SPAG16: variants seen among roughly 807,000 people sequenced by gnomAD.
SPAG16 encodes sperm associated antigen 16, also known as sperm-associated antigen 16 protein.
A neutral mutation model predicts 80.4 loss-of-function variants in SPAG16; 86 were observed. That is an observed-to-expected ratio of 1.07 (90% confidence interval 0.90 to 1.28). SPAG16 has a LOEUF of 1.28. Ranked by LOEUF, SPAG16 falls within the 50% of genes most tolerant of loss-of-function variation. SPAG16 has a pLI of 0.00. For missense variants in SPAG16, 870 were observed against 765.3 expected (o/e 1.14, Z -1.61); for synonymous variants, 294 against 265.9 (o/e 1.11, Z -1.03).
At chr2:214,215,643 T>C (rs904410573) in intron 15 of SPAG16, among the ~76,000 whole-genome samples, 1 of 152,194 alleles carries the variant, frequency 6.6e-6, no homozygotes, top group Non-Finnish European at 1.5e-5. Context: ...GTGTGAACTC[T>C]TGTCAAGCAA....
At chr2:213,867,216 T>C (rs1257769882) in intron 11 of SPAG16, among the ~76,000 whole-genome samples, 1 of 152,240 alleles carries the variant, frequency 6.6e-6, no homozygotes, top group Non-Finnish European at 1.5e-5. Flanking sequence ...GATAAAGCAC[T>C]CTTTGCATTT....
rs187893643 is a variant in SPAG16 at position 213,381,887 on chromosome 2, T to C, written c.942+6768T>C. On this transcript the variant is annotated intron_variant, in intron 9 of 15. Coordinates refer to ENST00000331683, the MANE Select transcript of SPAG16 (RefSeq NM_024532.5). ...GTACCATTTATGTTTTTAGGCAACA[T>C]AGGTGATCAGATATACTGCCAAGAT... Among the ~76,000 whole-genome samples, 17 of 152,322 alleles carry C rather than the reference T, an allele frequency of 1.1e-4. No homozygotes were observed. The East Asian group carries it at 2.5e-3, about 22-fold the overall frequency.
intron 7 of SPAG16, among the ~76,000 whole-genome samples, chr2:213,361,380 A>G (rs114677852): frequency 0.011 from 1,484 of 129,828 alleles, 21 homozygotes; most frequent in African/African-American, 0.031. Context: ...GTGTGTGTGT[A>G]TATATATATA....
chr2:213,315,499 G>A (rs1318005052), intron 4 of SPAG16, among the ~76,000 whole-genome samples: 1 of 151,840 alleles, frequency 6.6e-6, no homozygotes, highest in African/African-American at 2.4e-5. Flanking sequence ...GCATACAGAT[G>A]CACAATATCT....
chr2:213,875,737 G>A (rs1355408074), intron 11 of SPAG16, among the ~76,000 whole-genome samples: 1 of 152,070 alleles, frequency 6.6e-6, no homozygotes, highest in Non-Finnish European at 1.5e-5. Flanking sequence ...ACCAAGACCT[G>A]TAGCTTACAT....
At chr2:213,646,365 T>C (rs555238040) in intron 10 of SPAG16, among the ~76,000 whole-genome samples, 2 of 152,314 alleles carry the variant, frequency 1.3e-5, no homozygotes, top group African/African-American at 4.8e-5. Context: ...ATTTTTATTA[T>C]ATACAATGAA....
chr2:214,033,805 C>T (rs72935939), intron 13 of SPAG16, among the ~76,000 whole-genome samples: 57,673 of 151,708 alleles, frequency 0.38, 12,321 homozygotes, highest in South Asian at 0.5. Context: ...CCAAATATAC[C>T]AGGGTATAAT....
At chr2:214,147,416 A>G (rs1412935597) in intron 14 of SPAG16, among the ~76,000 whole-genome samples, 1 of 152,168 alleles carries the variant, frequency 6.6e-6, no homozygotes, top group Non-Finnish European at 1.5e-5. Context: ...ACTCCAGACA[A>G]TGAAAGAACA....
intron 13 of SPAG16, among the ~76,000 whole-genome samples, chr2:214,084,206 C>G (rs1559771835): frequency 6.6e-6 from 1 of 152,182 alleles, no homozygotes; most frequent in Non-Finnish European, 1.5e-5. Context: ...TCTCCCCTCT[C>G]TAAGACTTCA....
intron 9 of SPAG16, among the ~76,000 whole-genome samples, chr2:213,450,357 G>A (rs1053948348): frequency 2.0e-5 from 3 of 152,126 alleles, no homozygotes; most frequent in Admixed American, 2.0e-4. Context: ...ATTGACATTT[G>A]CTTCTGTTAC....
chr2:213,448,467 C>G (rs1307125960), intron 9 of SPAG16, among the ~76,000 whole-genome samples: 1 of 152,194 alleles, frequency 6.6e-6, no homozygotes, highest in Non-Finnish European at 1.5e-5. Context: ...GGGGGCCCCA[C>G]TGTAGTAAAT....
intron 13 of SPAG16, among the ~76,000 whole-genome samples, chr2:214,021,235 A>G (rs2125004824): frequency 6.6e-6 from 1 of 152,288 alleles, no homozygotes; most frequent in Non-Finnish European, 1.5e-5. Context: ...CTGACTTTTT[A>G]CAAAATATTA....
At chr2:213,609,615 G>A (rs555464207) in intron 10 of SPAG16, among the ~76,000 whole-genome samples, 47 of 152,172 alleles carry the variant, frequency 3.1e-4, no homozygotes, top group Middle Eastern at 3.4e-3. Flanking sequence ...TCATATTCAT[G>A]TTATATTGCT....
At chr2:214,408,590 C>T (rs935240500) in intron 15 of SPAG16, among the ~76,000 whole-genome samples, 1 of 152,152 alleles carries the variant, frequency 6.6e-6, no homozygotes, top group African/African-American at 2.4e-5. Context: ...TAGAGGTATT[C>T]ATGATGTTTG....
intron 3 of SPAG16, among the ~76,000 whole-genome samples, chr2:213,307,599 C>T (rs991357332): frequency 2.0e-5 from 3 of 150,088 alleles, no homozygotes; most frequent in Non-Finnish European, 4.4e-5. Context: ...TTAATCCAGT[C>T]TATCATTGTT....
At chr2:213,427,705 C>A (rs1056811195) in intron 9 of SPAG16, among the ~76,000 whole-genome samples, 2 of 152,140 alleles carry the variant, frequency 1.3e-5, no homozygotes, top group Non-Finnish European at 2.9e-5. Context: ...GCAAAGACAG[C>A]AAGGACCAAG....
At chr2:213,574,500 A>G (rs2060045664) in intron 10 of SPAG16, among the ~76,000 whole-genome samples, 1 of 151,986 alleles carries the variant, frequency 6.6e-6, no homozygotes. Flanking sequence ...CCCATGTGCC[A>G]AGAAGGATAT....
chr2:213,326,272 A>G (rs753738681), intron 5 of SPAG16, among the ~76,000 whole-genome samples: 17 of 152,054 alleles, frequency 1.1e-4, no homozygotes, highest in Non-Finnish European at 1.6e-4. Context: ...TATTGAGGAA[A>G]AATTAAGGTG....
chr2:213,729,156 A>G (rs1214885007), intron 10 of SPAG16, among the ~76,000 whole-genome samples: 1 of 152,192 alleles, frequency 6.6e-6, no homozygotes, highest in African/African-American at 2.4e-5. Flanking sequence ...TTGTAAAAAT[A>G]TAAAATATGC....
Sources: gnomAD v4.1 joint callset for allele counts (sites outside exome capture counted in the v4.1 genomes callset) on GRCh38, gnomAD v4.1.1 for gene constraint, MANE v1.5 for transcripts, NCBI Gene and HGNC (gene_info 2026-07-23, HGNC 2026-07-21) for gene names.